MANEA: variants seen among roughly 807,000 people sequenced by gnomAD.
MANEA encodes the protein glycoprotein endo-alpha-1,2-mannosidase.
MANEA carries 25 observed loss-of-function variants against 36.8 expected under a neutral mutation model. The observed-to-expected ratio is 0.68, with a 90% confidence interval of 0.50 to 0.95. The LOEUF is 0.95. Among genes scored for constraint, MANEA ranks in the 40% least tolerant of loss-of-function variants. The pLI is 0.00. For synonymous variants in MANEA, 198 were observed against 188.5 expected (o/e 1.05, Z -0.41); for missense variants, 565 against 558.8 (o/e 1.01, Z -0.11).
intron 1 of MANEA, among the ~76,000 whole-genome samples, chr6:95,581,222 G>T (rs1361617327): frequency 6.6e-6 from 1 of 152,126 alleles, no homozygotes; most frequent in Non-Finnish European, 1.5e-5. Flanking sequence ...GTTTATTTAG[G>T]TTGAGATGAC....
chr6:95,588,469 CAT>C (rs2127940096), intron 2 of MANEA, among the ~76,000 whole-genome samples: 1 of 152,044 alleles, frequency 6.6e-6, no homozygotes, highest in South Asian at 2.1e-4. Flanking sequence ...TGTATTATGA[CAT>C]AAAATAGCTT....
At chr6:95,602,824 T>G (rs1236729798) in intron 3 of MANEA, among the ~76,000 whole-genome samples, 1 of 150,748 alleles carries the variant, frequency 6.6e-6, no homozygotes, top group Non-Finnish European at 1.5e-5. Context: ...ATCGAGACCA[T>G]CCTGGCTAAC....
intron 3 of MANEA, among the ~76,000 whole-genome samples, chr6:95,601,089 T>C (rs1769581981): frequency 6.6e-6 from 1 of 152,230 alleles, no homozygotes; most frequent in African/African-American, 2.4e-5. Flanking sequence ...ATTTAAATCT[T>C]GATTTTTCAA....
At chr6:95,579,423 C>T (rs1332353392) in intron 1 of MANEA, among the ~76,000 whole-genome samples, 3 of 152,080 alleles carry the variant, frequency 2.0e-5, no homozygotes, top group Non-Finnish European at 4.4e-5. Flanking sequence ...CACTGAATTT[C>T]TGTTAACCAG....
At chr6:95,580,432 G>A (rs1024887146) in intron 1 of MANEA, among the ~76,000 whole-genome samples, 4 of 151,798 alleles carry the variant, frequency 2.6e-5, no homozygotes, top group African/African-American at 4.8e-5. Context: ...AATACATAAG[G>A]AATGACAATT....
In MANEA at chr6:95,608,518, C is replaced by A. The variant is rs1221291318; in HGVS notation, c.*2113C>A. ...TTTGTTGTGATTCCTCAACACATTACCCTAACCAGCCAGCAGTAACAGATT... is the reference window on the plus strand; with the variant it reads ...TTTGTTGTGATTCCTCAACACATTAACCTAACCAGCCAGCAGTAACAGATT... On this transcript the variant is annotated 3_prime_UTR_variant, in exon 5 of 5. Coordinates refer to ENST00000358812, the MANE Select transcript of MANEA (RefSeq NM_024641.4). 6.6e-6 allele frequency: 1 copy of A among 151,828 alleles called. No individual in the cohort carries two copies. Among genetic ancestry groups the A allele is most frequent in the Non-Finnish European group, 1.5e-5 (1 of 67,794 alleles). 9.4% of individuals were successfully genotyped at this position (151,828 alleles called of 1,614,324 possible). A position where few individuals can be genotyped will look rare whatever the true frequency, so the allele number is the denominator to read the frequency against.
At chr6:95,602,047 TTTTC>T (rs1414185590) in intron 3 of MANEA, among the ~76,000 whole-genome samples, 2 of 152,102 alleles carry the variant, frequency 1.3e-5, no homozygotes, top group African/African-American at 4.8e-5. Flanking sequence ...GGCCTCTCCT[TTTTC>T]TTTTTCCTTG....
intron 3 of MANEA, among the ~76,000 whole-genome samples, chr6:95,597,197 G>GTTA (rs1232092740): frequency 6.6e-6 from 1 of 151,868 alleles, no homozygotes; most frequent in African/African-American, 2.4e-5. Flanking sequence ...TTATAAAGTA[G>GTTA]TTAAAAAATA....
At chr6:95,594,154 A>G (rs1170760023) in intron 2 of MANEA, among the ~76,000 whole-genome samples, 1 of 152,148 alleles carries the variant, frequency 6.6e-6, no homozygotes, top group Non-Finnish European at 1.5e-5. Flanking sequence ...ATGTGAGGGA[A>G]AAAACAGAGA....
At chr6:95,598,865 T>C (rs1769534566) in intron 3 of MANEA, among the ~76,000 whole-genome samples, 1 of 152,094 alleles carries the variant, frequency 6.6e-6, no homozygotes, top group African/African-American at 2.4e-5. Context: ...TGAGAAGAAG[T>C]GTTTATTAGC....
At chr6:95,579,496 A>C (rs1485741172) in intron 1 of MANEA, among the ~76,000 whole-genome samples, 1 of 152,182 alleles carries the variant, frequency 6.6e-6, no homozygotes, top group Non-Finnish European at 1.5e-5. Flanking sequence ...CTGATTTTGA[A>C]AGTTCCAGAT....
rs149644133 is a variant in MANEA at position 95,589,423 on chromosome 6, T to C, written c.544+2440T>C. Among the ~76,000 whole-genome samples, 16 of 152,310 alleles carry C rather than the reference T, an allele frequency of 1.1e-4. No homozygotes were observed. The East Asian group carries it at 3.1e-3, about 29-fold the overall frequency. Reference sequence around the variant, plus strand: ...GCTGTGTGAAGTAATTATGCTGTTATATCGCAGAGTACAAGTTGGTTGATT... The same window carrying C: ...GCTGTGTGAAGTAATTATGCTGTTACATCGCAGAGTACAAGTTGGTTGATT... On this transcript the variant is annotated intron_variant, in intron 2 of 4. Transcript: ENST00000358812.
chr6:95,580,719 C>T (rs1024083883), intron 1 of MANEA, among the ~76,000 whole-genome samples: 26 of 130,314 alleles, frequency 2.0e-4, no homozygotes, highest in African/African-American at 6.8e-4. Context: ...AGTGAGACGC[C>T]GTCTCAAAAA....
intron 2 of MANEA, 34 bp downstream of exon 2, chr6:95,587,017 G>T (rs1343506964): frequency 3.2e-6 from 4 of 1,264,832 alleles, no homozygotes; most frequent in South Asian, 1.2e-5. Context: ...GTGTGTTTGT[G>T]TCTGTATATA....
chr6:95,582,121 T>G (rs1379608923), intron 1 of MANEA, among the ~76,000 whole-genome samples: 1 of 138,180 alleles, frequency 7.2e-6, no homozygotes, highest in Admixed American at 7.3e-5. Flanking sequence ...GTCAATGATT[T>G]GAAAATTTCA....
chr6:95,606,078 A>G lies in MANEA; in HGVS notation c.1062A>G (p.Pro354=). ...FCDKYNLIFI[P]SVGPGYIDTS... ...ATAAATACAACTTAATATTTATCCC[A>G]AGTGTGGGCCCAGGATACATAGATA... The change falls in exon 5 of 5, where the codon CCA becomes CCG. Residue 354 remains proline, a synonymous_variant. Transcript: ENST00000358812. 6.2e-7 allele frequency: 1 copy of G among 1,613,998 alleles called. No individual in the cohort carries two copies. Among genetic ancestry groups the G allele is most frequent in the Non-Finnish European group, 8.5e-7 (1 of 1,179,916 alleles).
Position 95,580,875 on chromosome 6 carries a change from C to G in MANEA, c.-39+3237C>G, listed in dbSNP as rs112716599. Among the ~76,000 whole-genome samples, 1,289 of 152,074 alleles carry G rather than the reference C, an allele frequency of 8.5e-3. 8 individuals carry two copies. Among genetic ancestry groups the G allele is most frequent in the Middle Eastern group, 0.021 (6 of 290 alleles). ...TTTGACTTGAAGGTGACTGGTATTTCAATAGTTGGTCATATAGAGAATAGG... is the reference window on the plus strand; with the variant it reads ...TTTGACTTGAAGGTGACTGGTATTTGAATAGTTGGTCATATAGAGAATAGG... On this transcript the variant is annotated intron_variant, in intron 1 of 4. Transcript: ENST00000358812.
chr6:95,588,507 C>T (rs1457472124), intron 2 of MANEA, among the ~76,000 whole-genome samples: 2 of 151,868 alleles, frequency 1.3e-5, no homozygotes, highest in Non-Finnish European at 2.9e-5. Flanking sequence ...GCATTGACTT[C>T]TGTGTGGTCA....
At chr6:95,581,595 A>G (rs1472377308) in intron 1 of MANEA, among the ~76,000 whole-genome samples, 1 of 152,214 alleles carries the variant, frequency 6.6e-6, no homozygotes, top group Non-Finnish European at 1.5e-5. Flanking sequence ...TTCACAGAAT[A>G]GTTTTATCAG....
Sources: gnomAD v4.1 joint callset for allele counts (sites outside exome capture counted in the v4.1 genomes callset) on GRCh38, gnomAD v4.1.1 for gene constraint, MANE v1.5 for transcripts, NCBI Gene and HGNC (gene_info 2026-07-23, HGNC 2026-07-21) for gene names.